The following SYBU variants were observed in gnomAD, a reference collection of about 807,000 sequenced individuals.
The protein encoded by SYBU is GOLSYN A protein.
In SYBU, 21 loss-of-function variants were observed where a neutral mutation model predicts 35.9. The observed-to-expected ratio is 0.58, with a 90% CI of 0.41 to 0.84. SYBU has a LOEUF of 0.84. Ranked by LOEUF, SYBU falls within the 40% of genes least tolerant of loss-of-function variation. The pLI, the probability that SYBU is intolerant of heterozygous loss-of-function variation, is 0.00. For missense variants in SYBU, 768 were observed against 848.2 expected, an observed-to-expected ratio of 0.91 and a Z score of 1.17; for synonymous variants, 319 against 324.3, an observed-to-expected ratio of 0.98 and a Z score of 0.18.
chr8:109,603,132 G>A (rs1258985089), intron 3 of SYBU, among the ~76,000 whole-genome samples: 2 of 152,218 alleles, frequency 1.3e-5, no homozygotes, highest in Non-Finnish European at 2.9e-5. Flanking sequence ...TCCTACTTCT[G>A]TCTTCCTTCT....
intron 3 of SYBU, among the ~76,000 whole-genome samples, chr8:109,589,067 G>A (rs1823936955): frequency 1.3e-5 from 2 of 152,190 alleles, no homozygotes; most frequent in South Asian, 4.1e-4. Context: ...AGCTGAGGCA[G>A]GAGAATTGCT....
At chr8:109,643,037 G>A (rs1265242143) in intron 1 of SYBU, 105 bp from the exon 2 acceptor site, 1 of 1,447,930 alleles carries the variant, frequency 6.9e-7, no homozygotes, top group Non-Finnish European at 9.1e-7. Flanking sequence ...ACATTTCTGA[G>A]TATTGAGTCT....
intron 2 of SYBU, among the ~76,000 whole-genome samples, chr8:109,621,111 A>G (rs1026139387): frequency 6.6e-6 from 1 of 152,214 alleles, no homozygotes; most frequent in Admixed American, 6.5e-5. Flanking sequence ...TGTCTAACCT[A>G]AAAAACTCAG....
intron 3 of SYBU, among the ~76,000 whole-genome samples, chr8:109,617,933 T>C (rs1035255556): frequency 1.6e-4 from 24 of 152,232 alleles, no homozygotes; most frequent in Non-Finnish European, 2.5e-4. Flanking sequence ...TAGCATCCTA[T>C]GGAAGAGGAC....
intron 3 of SYBU, among the ~76,000 whole-genome samples, chr8:109,600,548 T>G (rs75084102): frequency 0.024 from 3,680 of 152,226 alleles, 149 homozygotes; most frequent in African/African-American, 0.084. Context: ...CAAAAGAACT[T>G]ACATATATGA....
chr8:109,632,316 C>T (rs1333330311), intron 2 of SYBU, among the ~76,000 whole-genome samples: 1 of 152,224 alleles, frequency 6.6e-6, no homozygotes, highest in East Asian at 1.9e-4. Flanking sequence ...GCTGGGATTA[C>T]AGGCATGAGC....
intron 1 of SYBU, chr8:109,644,313 C>T: frequency 1.8e-6 from 1 of 557,322 alleles, no homozygotes; most frequent in South Asian, 1.7e-5. Context: ...TTCCCAGTCG[C>T]GGATGCATCA....
chr8:109,633,992 C>G (rs1341721123), intron 2 of SYBU, among the ~76,000 whole-genome samples: 2 of 152,100 alleles, frequency 1.3e-5, no homozygotes, highest in East Asian at 3.9e-4. Context: ...CCTCGGCTTC[C>G]CAAAGTGCTG....
chr8:109,613,646 A>C (rs899273903), intron 3 of SYBU, among the ~76,000 whole-genome samples: 7 of 152,168 alleles, frequency 4.6e-5, no homozygotes, highest in African/African-American at 1.7e-4. Context: ...TAGGTTGTTC[A>C]AGTTATTACA....
chr8:109,676,630 T>C (rs921059399), intron 1 of SYBU, among the ~76,000 whole-genome samples: 2 of 152,242 alleles, frequency 1.3e-5, no homozygotes, highest in Non-Finnish European at 2.9e-5. Flanking sequence ...GGTTTCATTA[T>C]AAATCGCAGT....
At chr8:109,647,621 G>A (rs1266219503), upstream of SYBU, 2 of 152,230 alleles carry the variant, frequency 1.3e-5, no homozygotes, top group African/African-American at 4.8e-5. Flanking sequence ...ATGCCTGAAT[G>A]AGTGAATTCT....
upstream of SYBU, among the ~76,000 whole-genome samples, chr8:109,683,227 C>T (rs1175294629): frequency 1.3e-5 from 2 of 152,236 alleles, no homozygotes; most frequent in African/African-American, 4.8e-5. Context: ...GGAAAAGCCA[C>T]AGACAACACC....
At chr8:109,592,047 T>C (rs1824342420) in intron 3 of SYBU, among the ~76,000 whole-genome samples, 1 of 152,074 alleles carries the variant, frequency 6.6e-6, no homozygotes, top group South Asian at 2.1e-4. Flanking sequence ...GAAATTCAGG[T>C]GAAACATGCA....
At chr8:109,642,647 G>T in intron 2 of SYBU, 81 bp downstream of exon 2, 2 of 897,200 alleles carry the variant, frequency 2.2e-6, no homozygotes, top group Non-Finnish European at 3.2e-6. Context: ...TAGGCTATAA[G>T]GGACCCAGTA....
At chr8:109,619,437 G>A (rs1163521344) in intron 2 of SYBU, among the ~76,000 whole-genome samples, 1 of 151,920 alleles carries the variant, frequency 6.6e-6, no homozygotes, top group African/African-American at 2.4e-5. Flanking sequence ...ATGTTGGCCA[G>A]GCTGGTCTCA....
intron 1 of SYBU, among the ~76,000 whole-genome samples, chr8:109,673,159 C>A (rs1817052729): frequency 6.6e-6 from 1 of 152,156 alleles, no homozygotes; most frequent in African/African-American, 2.4e-5. Flanking sequence ...CAATGGATCT[C>A]CCAGCACAGC....
chr8:109,686,067 T>C (rs183043597), intron 1 of SYBU, among the ~76,000 whole-genome samples: 1 of 152,294 alleles, frequency 6.6e-6, no homozygotes, highest in African/African-American at 2.4e-5. Flanking sequence ...ATTTCCATGC[T>C]GGTTATAAAA....
chr8:109,608,039 C>T, intron 3 of SYBU: 1 of 1,260,608 alleles, frequency 7.9e-7, no homozygotes, highest in South Asian at 1.4e-5. Flanking sequence ...AGTACAGTCT[C>T]AGAGTGGGGT....
Position 109,575,564 on chromosome 8 carries a change from A to C in SYBU, c.1334T>G (p.Ile445Arg), listed in dbSNP as rs1822169233. The change falls in exon 7 of 7, where the codon ATA becomes AGA. Residue 445 changes from isoleucine (I) to arginine (R), a missense_variant. Ile to Arg is a moderately conservative substitution (Grantham distance 97). Transcript: ENST00000276646. ...AGATTCTGTGGTGGTGGCTGTCACT[A>C]TCTCATCGAACAAATCTGTGCTGTT... is the stretch of plus-strand genomic sequence containing the variant. ...IANSTDLFDEIVTATTTESGD... is the reference protein window; with the variant it reads ...IANSTDLFDERVTATTTESGD... 3 of 1,613,960 alleles carry C rather than the reference A, an allele frequency of 1.9e-6. No individual in the cohort carries two copies. The highest frequency in any genetic ancestry group is 2.5e-6 in the Non-Finnish European group (3 of 1,180,018).
Sources: gnomAD v4.1 joint callset for allele counts (sites outside exome capture counted in the v4.1 genomes callset) on GRCh38, gnomAD v4.1.1 for gene constraint, MANE v1.5 for transcripts, NCBI Gene and HGNC (gene_info 2026-07-23, HGNC 2026-07-21) for gene names.